The following RELL1 variants were observed in gnomAD, a reference collection of about 807,000 sequenced individuals.
RELL1 encodes the protein RELT like 1.
A neutral mutation model predicts 23.0 loss-of-function variants in RELL1; 10 were observed. The observed-to-expected ratio is 0.43, with a 90% CI of 0.27 to 0.74. RELL1 has a LOEUF of 0.74. RELL1 is among the 30% of genes least tolerant of loss of function. RELL1 has a pLI of 0.19. For missense variants in RELL1, 315 were observed against 364.4 expected (o/e 0.86, Z 1.10); for synonymous variants, 146 against 146.8 (o/e 0.99, Z 0.04).
At chr4:37,596,730 ATATATATTTTTTTTT>A (rs1400491250) in intron 6 of RELL1, among the ~76,000 whole-genome samples, 1 of 16,972 alleles carries the variant, frequency 5.9e-5, no homozygotes, top group African/African-American at 1.5e-4. Flanking sequence ...ATATATATAT[ATATATATTTTTTTTT>A]TTTTTTTTTT....
downstream of RELL1, among the ~76,000 whole-genome samples, chr4:37,607,695 T>A (rs1719266259): frequency 6.6e-6 from 1 of 151,150 alleles, no homozygotes; most frequent in South Asian, 2.1e-4. Flanking sequence ...TTCCCCTGCC[T>A]CAGCCTCCCA....
chr4:37,679,998 A>G (rs1232053953), intron 1 of RELL1, among the ~76,000 whole-genome samples: 6 of 152,162 alleles, frequency 3.9e-5, no homozygotes, highest in African/African-American at 1.2e-4. Flanking sequence ...AAGTTTTACA[A>G]CCTACAGAGG....
chr4:37,633,479 GA>G (rs1311855702), intron 5 of RELL1, among the ~76,000 whole-genome samples: 1 of 125,864 alleles, frequency 7.9e-6, no homozygotes, highest in Non-Finnish European at 1.7e-5. Context: ...AATTTCAGCA[GA>G]TTTTTTTTTA....
intron 1 of RELL1, among the ~76,000 whole-genome samples, chr4:37,678,485 CCCTACT>C (rs1338647699): frequency 2.0e-5 from 3 of 152,338 alleles, no homozygotes; most frequent in Admixed American, 6.5e-5. Flanking sequence ...GCCCATCAGA[CCCTACT>C]CCTTCGGGCA....
At chr4:37,631,056 C>T (rs1720111863) in intron 6 of RELL1, among the ~76,000 whole-genome samples, 2 of 152,116 alleles carry the variant, frequency 1.3e-5, no homozygotes, top group African/African-American at 2.4e-5. Flanking sequence ...CTTTCTGCCT[C>T]GTGGTAATGC....
intron 1 of RELL1, among the ~76,000 whole-genome samples, chr4:37,653,230 A>T (rs898232121): frequency 6.6e-6 from 1 of 152,170 alleles, no homozygotes; most frequent in African/African-American, 2.4e-5. Context: ...ACTGACTGAC[A>T]TAATTGACTA....
intron 1 of RELL1, among the ~76,000 whole-genome samples, chr4:37,685,360 G>A (rs1292859435): frequency 1.3e-5 from 2 of 152,112 alleles, no homozygotes; most frequent in African/African-American, 4.8e-5. Context: ...AACTGCAGCT[G>A]TTAGGTGGCA....
In RELL1 at chr4:37,647,437, A is replaced by G; in HGVS notation, c.316T>C (p.Leu106=). The G allele has an allele frequency of 1.9e-6, 3 of 1,609,576 alleles. No homozygotes were observed. Among genetic ancestry groups the G allele is most frequent in the Non-Finnish European group, 8.5e-7 (1 of 1,175,950 alleles). ...IEEEKVEKIE[L]NDSVNENSDT... is the part of the protein sequence containing the mutation. Reference sequence around the variant, plus strand: ...CTGTTTTCATTCACACTGTCATTCAATTCTGAAAGAGAAAAGAGGAGGGGA... The same window carrying G: ...CTGTTTTCATTCACACTGTCATTCAGTTCTGAAAGAGAAAAGAGGAGGGGA... The change falls in exon 3 of 7, where the codon TTG becomes CTG. Residue 106 remains leucine (L), a splice_region_variant and synonymous_variant. Transcript: ENST00000454158.
chr4:37,658,425 T>G (rs540498254), intron 1 of RELL1, among the ~76,000 whole-genome samples: 7 of 152,376 alleles, frequency 4.6e-5, no homozygotes, highest in Admixed American at 2.0e-4. Flanking sequence ...ACCACAACTA[T>G]GGAGCATGTA....
intron 6 of RELL1, among the ~76,000 whole-genome samples, chr4:37,593,367 T>C (rs1186221793): frequency 6.6e-6 from 1 of 152,196 alleles, no homozygotes; most frequent in Non-Finnish European, 1.5e-5. Context: ...CACGTATCAA[T>C]GACCCGCATA....
At chr4:37,618,758 A>C (rs1300275409) in intron 6 of RELL1, among the ~76,000 whole-genome samples, 1 of 152,262 alleles carries the variant, frequency 6.6e-6, no homozygotes, top group Non-Finnish European at 1.5e-5. Flanking sequence ...AAGTTTTTAC[A>C]GTTCCAGATT....
intron 4 of RELL1, among the ~76,000 whole-genome samples, chr4:37,638,116 C>T (rs1720396248): frequency 6.6e-6 from 1 of 152,168 alleles, no homozygotes; most frequent in Non-Finnish European, 1.5e-5. Flanking sequence ...TCCTTCTTCC[C>T]ATCACTATTC....
intron 6 of RELL1, among the ~76,000 whole-genome samples, chr4:37,604,798 G>GACACACACACACACACAC (rs368655689): frequency 3.4e-4 from 40 of 116,368 alleles, no homozygotes; most frequent in Non-Finnish European, 4.9e-4. Flanking sequence ...CACACACACA[G>GACACACACACACACACAC]ACACACACAC....
chr4:37,641,293 G>A (rs1257750020), intron 3 of RELL1, among the ~76,000 whole-genome samples: 2 of 152,054 alleles, frequency 1.3e-5, no homozygotes, highest in Admixed American at 6.6e-5. Context: ...ACACACATGC[G>A]TCCCTGTCTC....
At chr4:37,654,470 A>C (rs931249846) in intron 1 of RELL1, among the ~76,000 whole-genome samples, 1 of 152,258 alleles carries the variant, frequency 6.6e-6, no homozygotes, top group African/African-American at 2.4e-5. Context: ...GCTTTTAAAT[A>C]ACAAAGTAAC....
intron 1 of RELL1, among the ~76,000 whole-genome samples, chr4:37,670,045 A>G (rs1721774668): frequency 6.7e-6 from 1 of 149,500 alleles, no homozygotes; most frequent in South Asian, 2.1e-4. Context: ...AAAAAAATAA[A>G]TAAATAAATA....
In RELL1 at chr4:37,634,846, C is replaced by T. The variant is rs755444203; in HGVS notation, c.680+41G>A. The T allele has an allele frequency of 3.9e-6, 6 of 1,531,468 alleles. No individual in the cohort carries two copies. The South Asian group carries it at 4.5e-5, about 11-fold the overall frequency. The allele number at this position is 1,531,468 out of a possible 1,614,324, so 94.9% of individuals were successfully genotyped here. A position where few individuals can be genotyped will look rare whatever the true frequency, so the allele number is the denominator to read the frequency against. ...AGCAGAAGTCCACACACCAGAGCAC[C>T]CATGTCACACACAAACCAAAAGCAT... On this transcript the variant is annotated intron_variant, in intron 5 of 6. Transcript: ENST00000454158.
intron 6 of RELL1, among the ~76,000 whole-genome samples, chr4:37,595,593 A>ATGGTGTAATAAAGGTATG (rs1560319258): frequency 1.3e-5 from 2 of 152,108 alleles, no homozygotes; most frequent in African/African-American, 4.8e-5. Flanking sequence ...ATAAAGGTAT[A>ATGGTGTAATAAAGGTATG]CATGGTGTAA....
chr4:37,632,086 A>AG (rs1308839908), intron 5 of RELL1, among the ~76,000 whole-genome samples: 2 of 118,598 alleles, frequency 1.7e-5, no homozygotes, highest in Non-Finnish European at 3.8e-5. Flanking sequence ...TCAATAAGGA[A>AG]AAAAAAAAAA....
Sources: gnomAD v4.1 joint callset for allele counts (sites outside exome capture counted in the v4.1 genomes callset) on GRCh38, gnomAD v4.1.1 for gene constraint, MANE v1.5 for transcripts, NCBI Gene and HGNC (gene_info 2026-07-23, HGNC 2026-07-21) for gene names.